The following PCED1B variants were observed in gnomAD, a reference collection of about 807,000 sequenced individuals.
PCED1B encodes the protein PC-esterase domain containing 1B.
For missense variants in PCED1B, 573 were observed against 573.9 expected (o/e 1.00, Z 0.02); for synonymous variants, 251 against 246.1 (o/e 1.02, Z -0.19).
At chr12:47,190,328 G>C (rs1942403450) in intron 2 of PCED1B, among the ~76,000 whole-genome samples, 2 of 152,136 alleles carry the variant, frequency 1.3e-5, no homozygotes, top group South Asian at 4.1e-4. Context: ...TTCCAAAATA[G>C]ATACAGACCT....
intron 3 of PCED1B, among the ~76,000 whole-genome samples, chr12:47,217,476 GAA>G (rs765967984): frequency 5.0e-5 from 5 of 100,240 alleles, no homozygotes; most frequent in African/African-American, 1.7e-4. Flanking sequence ...GAAAGAGAAA[GAA>G]AGAAAGAAAG....
chr12:47,138,665 G>A (rs17097638), intron 2 of PCED1B, among the ~76,000 whole-genome samples: 9,593 of 152,138 alleles, frequency 0.063, 504 homozygotes, highest in African/African-American at 0.14. Flanking sequence ...GATCCAGTAC[G>A]TATTTCACCA....
chr12:47,235,462 G>C lies in PCED1B; in HGVS notation c.399G>C (p.Pro133=), dbSNP rs1592334537. Residue 133 remains proline (P), a synonymous_variant, in exon 4 of 4, where the codon CCG becomes CCC. Coordinates refer to ENST00000546455, the MANE Select transcript of PCED1B (RefSeq NM_138371.3). ...TCTGGGACATCTCCAGGTATGGTCC[G>C]AACTCCTGGAGAAGCTACCTGGAGA... ...SCLWDISRYG[P]NSWRSYLENL... is the part of the protein sequence containing the mutation. 6.2e-7 allele frequency: 1 copy of C among 1,613,996 alleles called. No individual in the cohort carries two copies. Among genetic ancestry groups the C allele is most frequent in the South Asian group, 1.1e-5 (1 of 91,066 alleles).
chr12:47,168,991 G>T (rs923099727), intron 2 of PCED1B, among the ~76,000 whole-genome samples: 1 of 152,110 alleles, frequency 6.6e-6, no homozygotes, highest in Non-Finnish European at 1.5e-5. Flanking sequence ...TCTACTCAAA[G>T]GATATATGGT....
At chr12:47,104,893 C>T (rs1938876056) in intron 2 of PCED1B, among the ~76,000 whole-genome samples, 1 of 152,186 alleles carries the variant, frequency 6.6e-6, no homozygotes, top group Non-Finnish European at 1.5e-5. Context: ...TTCTCCAACT[C>T]CCAGGAAGCC....
intron 2 of PCED1B, among the ~76,000 whole-genome samples, chr12:47,130,799 A>G (rs532681100): frequency 2.3e-4 from 35 of 152,320 alleles, no homozygotes; most frequent in Non-Finnish European, 4.0e-4. Flanking sequence ...TTTTATAGCA[A>G]TGATCAGATT....
At chr12:47,152,127 C>T (rs371251915) in intron 2 of PCED1B, among the ~76,000 whole-genome samples, 1 of 152,010 alleles carries the variant, frequency 6.6e-6, no homozygotes. Context: ...TATAGGCTAG[C>T]AATGTTGATG....
chr12:47,169,216 G>A (rs1378429367), intron 2 of PCED1B, among the ~76,000 whole-genome samples: 2 of 152,204 alleles, frequency 1.3e-5, no homozygotes, highest in African/African-American at 4.8e-5. Context: ...ATATGATAGG[G>A]CAGAGAGGGT....
intron 2 of PCED1B, among the ~76,000 whole-genome samples, chr12:47,188,183 C>T (rs533503862): frequency 1.9e-4 from 29 of 152,220 alleles, no homozygotes; most frequent in African/African-American, 6.7e-4. Context: ...GTGATCTTGC[C>T]TTAGTTGTCT....
At chr12:47,143,316 C>A (rs1375457115) in intron 2 of PCED1B, among the ~76,000 whole-genome samples, 1 of 152,032 alleles carries the variant, frequency 6.6e-6, no homozygotes, top group Non-Finnish European at 1.5e-5. Flanking sequence ...CGTAGCCAGT[C>A]CTAAAGACTT....
intron 3 of PCED1B, among the ~76,000 whole-genome samples, chr12:47,222,776 C>T (rs1380653319): frequency 6.6e-6 from 1 of 151,980 alleles, no homozygotes; most frequent in African/African-American, 2.4e-5. Context: ...GGAGCAGGAT[C>T]AAACCCAGGG....
chr12:47,111,711 C>T (rs1939204556), intron 2 of PCED1B, among the ~76,000 whole-genome samples: 1 of 152,148 alleles, frequency 6.6e-6, no homozygotes, highest in African/African-American at 2.4e-5. Flanking sequence ...GCTTATTTCA[C>T]TCAGCATAAT....
At chr12:47,111,481 C>A (rs542216492) in intron 2 of PCED1B, among the ~76,000 whole-genome samples, 3 of 152,080 alleles carry the variant, frequency 2.0e-5, no homozygotes, top group South Asian at 4.2e-4. Flanking sequence ...CAGTTAGGGG[C>A]CTTAAGTACA....
chr12:47,115,970 C>A (rs1239403326), intron 2 of PCED1B, among the ~76,000 whole-genome samples: 1 of 152,122 alleles, frequency 6.6e-6, no homozygotes, highest in African/African-American at 2.4e-5. Context: ...TAAATTAGCT[C>A]ACTAGAAATC....
At chr12:47,183,859 T>C (rs1304595173) in intron 2 of PCED1B, among the ~76,000 whole-genome samples, 2 of 152,208 alleles carry the variant, frequency 1.3e-5, no homozygotes, top group Admixed American at 1.3e-4. Context: ...CTACAGAATC[T>C]CTGATCATGA....
intron 1 of PCED1B, among the ~76,000 whole-genome samples, chr12:47,085,614 A>G (rs1937941082): frequency 6.6e-6 from 1 of 152,240 alleles, no homozygotes; most frequent in African/African-American, 2.4e-5. Flanking sequence ...CAAAAAAATT[A>G]CAAAATGGTA....
intron 2 of PCED1B, among the ~76,000 whole-genome samples, chr12:47,141,489 TCA>T (rs1940590131): frequency 6.6e-6 from 1 of 152,172 alleles, no homozygotes; most frequent in African/African-American, 2.4e-5. Flanking sequence ...CTGGGAGGAC[TCA>T]CACCCACCTG....
chr12:47,227,378 G>T (rs1374289929), intron 3 of PCED1B, among the ~76,000 whole-genome samples: 1 of 151,892 alleles, frequency 6.6e-6, no homozygotes, highest in African/African-American at 2.4e-5. Context: ...TCAGCATGTT[G>T]GCCAGATTGG....
rs140739615 is a variant in PCED1B at position 47,149,769 on chromosome 12, G to A, written c.-526+45574G>A. ...AGGACAGGCAGCTGTTAGAAGAGATGCAGAGGAGTATATTGAAGGCAAACA... is the reference window on the plus strand; with the variant it reads ...AGGACAGGCAGCTGTTAGAAGAGATACAGAGGAGTATATTGAAGGCAAACA... On this transcript the variant is annotated intron_variant, in intron 2 of 3. Transcript: ENST00000546455. 1.7e-4 allele frequency among the ~76,000 whole-genome samples: 26 copies of A among 152,316 alleles called. No homozygotes were observed. The East Asian group carries it at 4.8e-3, about 28-fold the overall frequency.
Sources: allele counts gnomAD v4.1 joint callset (sites outside exome capture counted in the v4.1 genomes callset), GRCh38; gene constraint gnomAD v4.1.1; transcripts MANE v1.5; gene names NCBI Gene and HGNC (gene_info 2026-07-23, HGNC 2026-07-21).